The following COPA variants were observed in gnomAD, a reference collection of about 807,000 sequenced individuals.
The protein encoded by COPA is coatomer subunit alpha.
Under a neutral mutation model 158.7 loss-of-function variants are expected in COPA, and 10 were observed. That is an observed-to-expected ratio of 0.06 (90% confidence interval 0.04 to 0.11). The LOEUF (loss-of-function observed/expected upper bound fraction) is 0.11, where lower values mean the gene tolerates loss of function less well. Ranked by LOEUF, COPA falls within the 10% of genes least tolerant of loss-of-function variation. The probability of loss-of-function intolerance (pLI) is 1.00; values close to 1 mark genes in which losing one functional copy is unlikely to be tolerated. For missense variants in COPA, 1,065 were observed against 1,536.7 expected, an observed-to-expected ratio of 0.69 and a Z score of 5.13; for synonymous variants, 462 against 542.8, an observed-to-expected ratio of 0.85 and a Z score of 2.07.
intron 1 of COPA, 89 bp from the exon 2 acceptor site, chr1:160,340,383 G>A: frequency 1.2e-6 from 1 of 810,972 alleles, no homozygotes; most frequent in Non-Finnish European, 2.0e-6. Context: ...AAACATCAAG[G>A]TTAATCCTAG....
At chr1:160,324,486 C>T in intron 7 of COPA, among the ~76,000 whole-genome samples, 1 of 140,550 alleles carries the variant, frequency 7.1e-6, no homozygotes, top group Non-Finnish European at 1.5e-5. Flanking sequence ...TTGGTAGAGA[C>T]AAGGTCTTGC....
chr1:160,292,465 A>G lies in COPA; in HGVS notation c.2960+19T>C, dbSNP rs769851527. The G allele has an allele frequency of 6.2e-7, 1 of 1,612,964 alleles. No homozygotes were observed. ...ACCACAACTTGGAACAGATGAAAGC[A>G]AAGAGAAAAGGGCCTTACCAGTTGC... On this transcript the variant is annotated intron_variant, in intron 28 of 32. Transcript: ENST00000241704.
At chr1:160,327,482 G>A (rs1354237339) in intron 6 of COPA, among the ~76,000 whole-genome samples, 1 of 147,790 alleles carries the variant, frequency 6.8e-6, no homozygotes, top group Non-Finnish European at 1.5e-5. Flanking sequence ...GCTGGGGGGG[G>A]CGCAGCGCGG....
In COPA at chr1:160,295,876, A is replaced by G. The variant is rs751055814; in HGVS notation, c.2353-17T>C. The G allele has an allele frequency of 1.9e-6, 3 of 1,594,290 alleles. No individual in the cohort carries two copies. Among genetic ancestry groups the G allele is most frequent in the Non-Finnish European group, 2.6e-6 (3 of 1,173,882 alleles). On this transcript the variant is annotated splice_polypyrimidine_tract_variant and intron_variant, in intron 22 of 32. Coordinates refer to ENST00000241704, the MANE Select transcript of COPA (RefSeq NM_004371.4). The stretch of plus-strand genomic sequence containing the variant: ...GTCTGGGATCTGAATAGTAGAAGAA[A>G]AGAGGCTAAAAACAAATAGCACTTG...
Position 160,304,631 on chromosome 1 carries a change from TC to T in COPA, c.1667+801del, listed in dbSNP as rs200555555. On this transcript the variant is annotated intron_variant, in intron 17 of 32. Transcript: ENST00000241704. ...GTGAGCCAAGGTCACACCACTGCAC[TC>T]CAGCCTGGGCGAGACTCCGTTTCAG... Among the ~76,000 whole-genome samples the T allele has an allele frequency of 1.8e-3, 271 of 151,992 alleles. 4 individuals carry two copies. The East Asian group carries it at 0.027, about 15-fold the overall frequency.
Position 160,290,549 on chromosome 1 carries a change from T to G in COPA, c.3558A>C (p.Pro1186=), listed in dbSNP as rs1442976266. 17 of 1,614,008 alleles carry G rather than the reference T, an allele frequency of 1.1e-5. No individual in the cohort carries two copies. The highest frequency in any genetic ancestry group is 1.4e-5 in the Non-Finnish European group (17 of 1,180,028). Residue 1186 remains proline (P), a synonymous_variant, in exon 32 of 33, where the codon CCA becomes CCC. Coordinates refer to ENST00000241704, the MANE Select transcript of COPA (RefSeq NM_004371.4). ...CAGGGGAATAGCAGGCCCCACTGAG[T>G]GGACACTTTTCTACTGGCTTTCCAC... The part of the protein sequence containing the change: ...IYRGKPVEKC[P]LSGACYSPEF...
chr1:160,299,501 A>G lies in COPA; in HGVS notation c.1668-237T>C, dbSNP rs1297399276. Among the ~76,000 whole-genome samples the G allele has an allele frequency of 4.6e-5, 7 of 152,340 alleles. 1 individual carries two copies. The highest frequency in any genetic ancestry group is 4.6e-4 in the Admixed American group (7 of 15,310). On this transcript the variant is annotated intron_variant, in intron 17 of 32. Transcript: ENST00000241704. ...TAGAAGATGAGTAACAGATGTGGCT[A>G]TAGGAATCAGACCTAAAAGTTAAAT...
intron 10 of COPA, 45 bp from the exon 11 acceptor site, chr1:160,312,063 G>A: frequency 1.3e-6 from 2 of 1,590,714 alleles, no homozygotes; most frequent in African/African-American, 1.4e-5. Flanking sequence ...CTGTAGGCAA[G>A]AAAAAAACCT....
chr1:160,335,998 A>G (rs761329568), intron 3 of COPA, among the ~76,000 whole-genome samples: 1 of 151,576 alleles, frequency 6.6e-6, no homozygotes, highest in African/African-American at 2.4e-5. Flanking sequence ...CTACTGCAAA[A>G]TTGTGCTCTT....
intron 6 of COPA, among the ~76,000 whole-genome samples, chr1:160,326,513 T>C (rs1358821894): frequency 6.6e-6 from 1 of 152,118 alleles, no homozygotes; most frequent in Non-Finnish European, 1.5e-5. Context: ...TGGGTGACAT[T>C]GAGACCCTAT....
intron 17 of COPA, among the ~76,000 whole-genome samples, chr1:160,302,338 G>T (rs1658635759): frequency 1.3e-5 from 2 of 151,944 alleles, no homozygotes; most frequent in Admixed American, 1.3e-4. Flanking sequence ...CCAAAGAAAT[G>T]CAAGATCTCT....
chr1:160,291,945 A>G lies in COPA; in HGVS notation c.3148-16T>C. ...GCTGCTGGGCCTGTAGAGGGGGCAGAAGGTCAGGATACAGAGACAAGAATG... is the reference window on the plus strand; with the variant it reads ...GCTGCTGGGCCTGTAGAGGGGGCAGGAGGTCAGGATACAGAGACAAGAATG... On this transcript the variant is annotated splice_polypyrimidine_tract_variant and intron_variant, in intron 29 of 32. Transcript: ENST00000241704. 1.2e-6 allele frequency: 2 copies of G among 1,614,172 alleles called. No homozygotes were observed. Among genetic ancestry groups the G allele is most frequent in the Non-Finnish European group, 1.7e-6 (2 of 1,180,024 alleles).
At chr1:160,339,665 A>C in intron 3 of COPA, 1 of 437,496 alleles carries the variant, frequency 2.3e-6, no homozygotes, top group African/African-American at 2.0e-5. Context: ...CTTCTGTATT[A>C]GAATAAAAGC....
Position 160,290,493 on chromosome 1 carries a change from G to A in COPA, c.3614C>T (p.Thr1205Ile). 1.2e-6 allele frequency: 2 copies of A among 1,614,080 alleles called. No homozygotes were observed. Among genetic ancestry groups the A allele is most frequent in the South Asian group, 2.2e-5 (2 of 91,076 alleles). ...EFKGQICRVT[T>I]VTEIGKDVIG... Reference sequence around the variant, plus strand: ...ATATTTATTGAGGACAGTACTTACTGTGGTGACCCTGCAGATTTGACCTTT... The same window carrying A: ...ATATTTATTGAGGACAGTACTTACTATGGTGACCCTGCAGATTTGACCTTT... The change falls in exon 32 of 33, where the codon ACA (threonine) becomes ATA (isoleucine). Residue 1205 changes from threonine to isoleucine, a missense_variant and splice_region_variant. Thr to Ile is a moderately conservative substitution (Grantham distance 89, BLOSUM62 -1). Coordinates refer to ENST00000241704, the MANE Select transcript of COPA (RefSeq NM_004371.4).
intron 28 of COPA, 37 bp downstream of exon 28, chr1:160,292,447 C>T (rs777153489): frequency 6.2e-7 from 1 of 1,612,632 alleles, no homozygotes; most frequent in Non-Finnish European, 8.5e-7. Context: ...TCGACCACAA[C>T]TTGGAACAGA....
At chr1:160,290,722 G>C in intron 31 of COPA, 36 bp from the exon 32 acceptor site, 1 of 1,596,698 alleles carries the variant, frequency 6.3e-7, no homozygotes, top group Non-Finnish European at 8.6e-7. Context: ...AGGACAGAAG[G>C]CTGCAGACAA....
chr1:160,295,494 C>T (rs915284885), intron 23 of COPA, among the ~76,000 whole-genome samples: 12 of 152,044 alleles, frequency 7.9e-5, no homozygotes, highest in African/African-American at 2.4e-4. Context: ...AAATATTAAC[C>T]GAAGTTATTG....
Position 160,289,864 on chromosome 1 carries a change from T to C in COPA, c.*293A>G. The stretch of plus-strand genomic sequence containing the variant: ...CCGTAGCCTCCCAAAGTGCTGGGAT[T>C]ACAGGTATGAGCCACTCCACCCAGC... On this transcript the variant is annotated 3_prime_UTR_variant, in exon 33 of 33. Transcript: ENST00000241704. The C allele has an allele frequency of 3.8e-6, 1 of 264,322 alleles. No individual in the cohort carries two copies. Among genetic ancestry groups the C allele is most frequent in the Non-Finnish European group, 7.2e-6 (1 of 139,436 alleles). The allele number at this position is 264,322 out of a possible 1,614,324, so 16.4% of individuals were successfully genotyped here. A position where few individuals can be genotyped will look rare whatever the true frequency, so the allele number is the denominator to read the frequency against.
At chr1:160,296,743 T>C (rs1395247319) in intron 21 of COPA, among the ~76,000 whole-genome samples, 1 of 152,234 alleles carries the variant, frequency 6.6e-6, no homozygotes, top group African/African-American at 2.4e-5. Flanking sequence ...CTGCTTATCT[T>C]TGAGACGTAT....
Sources: gnomAD v4.1 joint callset for allele counts (sites outside exome capture counted in the v4.1 genomes callset) on GRCh38, gnomAD v4.1.1 for gene constraint, MANE v1.5 for transcripts, NCBI Gene and HGNC (gene_info 2026-07-23, HGNC 2026-07-21) for gene names.